Variants in GDAP2 observed in about 807,000 individuals in gnomAD.
GDAP2 encodes ganglioside-induced differentiation-associated protein 2.
Under a neutral mutation model 67.0 loss-of-function variants are expected in GDAP2, and 51 were observed. The ratio of observed to expected loss-of-function variants is 0.76; its 90% CI spans 0.61 to 0.96. The LOEUF (loss-of-function observed/expected upper bound fraction) is 0.96, where lower values mean the gene tolerates loss of function less well. Ranked by LOEUF, GDAP2 falls within the 40% of genes least tolerant of loss-of-function variation. The pLI, the probability that GDAP2 is intolerant of heterozygous loss-of-function variation, is 0.00. For missense variants in GDAP2, 547 were observed against 588.3 expected, an observed-to-expected ratio of 0.93 and a Z score of 0.73; for synonymous variants, 203 against 207.3, an observed-to-expected ratio of 0.98 and a Z score of 0.18.
In GDAP2 at chr1:117,911,984, T is replaced by C; in HGVS notation, c.559+10A>G. 6.9e-7 allele frequency: 1 copy of C among 1,454,750 alleles called. No individual in the cohort carries two copies. Among genetic ancestry groups the C allele is most frequent in the Non-Finnish European group, 9.7e-7 (1 of 1,034,998 alleles). 90.1% of individuals were successfully genotyped at this position (1,454,750 alleles called of 1,614,324 possible). A position where few individuals can be genotyped will look rare whatever the true frequency, so the allele number is the denominator to read the frequency against. The stretch of plus-strand genomic sequence containing the variant: ...TTCAATTCATGTACAGCATCTCTGA[T>C]ATTACTTACGAAGTGCTATGTGTGT... On this transcript the variant is annotated intron_variant, in intron 5 of 13. Transcript: ENST00000369443.
At chr1:117,880,844 T>C (rs895206761) in intron 12 of GDAP2, among the ~76,000 whole-genome samples, 2 of 152,196 alleles carry the variant, frequency 1.3e-5, no homozygotes, top group African/African-American at 2.4e-5. Context: ...AACTGGCAGA[T>C]AGCAAGTGCT....
chr1:117,879,957 T>C (rs148655914), intron 12 of GDAP2, among the ~76,000 whole-genome samples: 221 of 152,144 alleles, frequency 1.5e-3, no homozygotes, highest in African/African-American at 4.7e-3. Context: ...ATGGGAGGAT[T>C]ACTTGAGGCC....
At chr1:117,920,458 G>C in intron 1 of GDAP2, 34 bp from the exon 2 acceptor site, 1 of 694,516 alleles carries the variant, frequency 1.4e-6, no homozygotes, top group Non-Finnish European at 2.4e-6. Context: ...CTTTAATAGA[G>C]AAGCACAGAT....
chr1:117,912,476 T>C, intron 4 of GDAP2, 54 bp downstream of exon 4: 1 of 1,458,778 alleles, frequency 6.9e-7, no homozygotes, highest in Admixed American at 2.1e-5. Context: ...CTTTAAAAAC[T>C]GGGGCCTTTA....
chr1:117,915,294 G>A (rs1008926087), intron 3 of GDAP2, among the ~76,000 whole-genome samples: 2 of 152,164 alleles, frequency 1.3e-5, no homozygotes, highest in Non-Finnish European at 2.9e-5. Flanking sequence ...TCTAGAAGGA[G>A]GAATACTGTG....
intron 13 of GDAP2, among the ~76,000 whole-genome samples, chr1:117,876,176 T>G (rs1648447876): frequency 6.6e-6 from 1 of 152,152 alleles, no homozygotes; most frequent in African/African-American, 2.4e-5. Context: ...GGCAGATCTC[T>G]CATAAATGGC....
At position 117,887,745 on chromosome 1, in the gene GDAP2, G is replaced by C. The variant is rs760419986; in HGVS notation, c.983C>G (p.Ser328Cys). 6.3e-7 allele frequency: 1 copy of C among 1,576,942 alleles called. No homozygotes were observed. The highest frequency in any genetic ancestry group is 2.2e-5 in the East Asian group (1 of 44,528). The change falls in exon 9 of 14, where the codon TCT (serine) becomes TGT (cysteine). Residue 328 changes from serine to cysteine, a missense_variant. Physicochemically the swap from Ser to Cys is moderately radical, Grantham distance 112 (BLOSUM62 -1). Transcript: ENST00000369443. ...AGAAGCAATATCAGACAGATCCTCA[G>C]ATCTTGCTTGACATAACCAGCGATT... ...NYNRWLCQAR[S>C]EDLSDIASLK...
At chr1:117,883,433 A>T in intron 11 of GDAP2, 55 bp downstream of exon 11, 2 of 1,325,068 alleles carry the variant, frequency 1.5e-6, no homozygotes, top group Non-Finnish European at 2.2e-6. Flanking sequence ...GCCACTGCTT[A>T]ATATTAGAAA....
At chr1:117,927,630 G>A (rs1650498431) in intron 1 of GDAP2, among the ~76,000 whole-genome samples, 1 of 152,122 alleles carries the variant, frequency 6.6e-6, no homozygotes, top group African/African-American at 2.4e-5. Flanking sequence ...ATCATTTTAT[G>A]CCACCATCCA....
intron 13 of GDAP2, among the ~76,000 whole-genome samples, chr1:117,872,773 C>A (rs1344538738): frequency 6.6e-6 from 1 of 152,124 alleles, no homozygotes; most frequent in Non-Finnish European, 1.5e-5. Flanking sequence ...GTACAGCAAA[C>A]CACCATGGCA....
intron 11 of GDAP2, among the ~76,000 whole-genome samples, chr1:117,882,112 A>T (rs912984304): frequency 6.6e-6 from 1 of 152,102 alleles, no homozygotes; most frequent in African/African-American, 2.4e-5. Context: ...CAGCTGCTAT[A>T]GGTAGGACAA....
chr1:117,910,197 G>A (rs1649805299), intron 5 of GDAP2, among the ~76,000 whole-genome samples: 1 of 152,040 alleles, frequency 6.6e-6, no homozygotes, highest in African/African-American at 2.4e-5. Flanking sequence ...GGAGTCAGAA[G>A]GTCTGGATAT....
At position 117,870,404 on chromosome 1, in the gene GDAP2, G is replaced by A; in HGVS notation, c.*165C>T. ...AGTTCAGAATGGCCTACCATTTTTA[G>A]ATTGCTTATGTGCCAGAAAATATAC... is the stretch of plus-strand genomic sequence containing the variant. On this transcript the variant is annotated 3_prime_UTR_variant, in exon 14 of 14. Coordinates refer to ENST00000369443, the MANE Select transcript of GDAP2 (RefSeq NM_017686.4). 1.6e-6 allele frequency: 1 copy of A among 606,206 alleles called. No individual in the cohort carries two copies. The highest frequency in any genetic ancestry group is 3.4e-5 in the Admixed American group (1 of 29,406). 37.6% of individuals were successfully genotyped at this position (606,206 alleles called of 1,614,324 possible). A position where few individuals can be genotyped will look rare whatever the true frequency, so the allele number is the denominator to read the frequency against.
intron 6 of GDAP2, among the ~76,000 whole-genome samples, chr1:117,903,652 G>T (rs1472086172): frequency 6.6e-6 from 1 of 151,858 alleles, no homozygotes; most frequent in Admixed American, 6.6e-5. Context: ...CAATTCTTTT[G>T]TATGTTGCTG....
intron 13 of GDAP2, among the ~76,000 whole-genome samples, chr1:117,875,772 T>C (rs141469299): frequency 3.0e-4 from 45 of 152,328 alleles, no homozygotes; most frequent in African/African-American, 1.0e-3. Flanking sequence ...CTGATAGGTT[T>C]TGGACTTATA....
At chr1:117,923,106 A>T (rs1650315017) in intron 1 of GDAP2, among the ~76,000 whole-genome samples, 1 of 152,320 alleles carries the variant, frequency 6.6e-6, no homozygotes, top group South Asian at 2.1e-4. Context: ...AGGCAGCCAC[A>T]CTTTAAGGTT....
At position 117,864,485 on chromosome 1, in the gene GDAP2, T is replaced by C. The variant is rs1647996268; in HGVS notation, c.*6084A>G. On this transcript the variant is annotated 3_prime_UTR_variant, in exon 14 of 14. Coordinates refer to ENST00000369443, the MANE Select transcript of GDAP2 (RefSeq NM_017686.4). ...TGCCTGTTGAACTGAAAAGAGCCTG[T>C]ACTGTAGCACTCAGTACCATAATCA... 1 of 152,240 alleles carries C rather than the reference T, an allele frequency of 6.6e-6. No individual in the cohort carries two copies. The highest frequency in any genetic ancestry group is 6.5e-5 in the Admixed American group (1 of 15,280). 9.4% of individuals were successfully genotyped at this position (152,240 alleles called of 1,614,324 possible).
At chr1:117,917,274 G>A (rs1036002564) in intron 3 of GDAP2, among the ~76,000 whole-genome samples, 1 of 151,968 alleles carries the variant, frequency 6.6e-6, no homozygotes, top group African/African-American at 2.4e-5. Context: ...CTAGAAATTT[G>A]GAGTCATGCT....
intron 8 of GDAP2, 65 bp from the exon 9 acceptor site, chr1:117,887,839 A>T: frequency 1.1e-6 from 1 of 903,732 alleles, no homozygotes; most frequent in East Asian, 2.4e-5. Context: ...AAATGGGACC[A>T]ATTTTTAATA....
Sources: allele counts gnomAD v4.1 joint callset (sites outside exome capture counted in the v4.1 genomes callset), GRCh38; gene constraint gnomAD v4.1.1; transcripts MANE v1.5; gene names NCBI Gene and HGNC (gene_info 2026-07-23, HGNC 2026-07-21).